The following GREM2 variants were observed in gnomAD, a reference collection of about 807,000 sequenced individuals.
The protein encoded by GREM2 is gremlin-2.
GREM2 carries 11 observed loss-of-function variants against 14.2 expected under a neutral mutation model. The ratio of observed to expected loss-of-function variants is 0.78; its 90% CI spans 0.49 to 1.28. The LOEUF is 1.28. Ranked by LOEUF, GREM2 falls within the 50% of genes most tolerant of loss-of-function variation. GREM2 has a pLI of 0.00. For missense variants in GREM2, 210 were observed against 218.5 expected, an observed-to-expected ratio of 0.96 and a Z score of 0.24; for synonymous variants, 98 against 97.6, an observed-to-expected ratio of 1.00 and a Z score of -0.02.
At chr1:240,545,012 G>A (rs1296269864) in intron 1 of GREM2, among the ~76,000 whole-genome samples, 1 of 152,220 alleles carries the variant, frequency 6.6e-6, no homozygotes, top group East Asian at 1.9e-4. Context: ...CTGAGGCACA[G>A]CTCCTAAAAT....
chr1:240,577,561 A>G (rs1483793602), intron 1 of GREM2, among the ~76,000 whole-genome samples: 1 of 152,330 alleles, frequency 6.6e-6, no homozygotes. Flanking sequence ...TACAATTTAC[A>G]TGCATGTTTT....
Position 240,495,885 on chromosome 1 carries a change from T to C in GREM2, c.-1-2409A>G, listed in dbSNP as rs559126036. ...GTTTATTCTGGAGTAAGCACTGTCA[T>C]AGGCTTTGTGAATTCCAGTATCTTA... On this transcript the variant is annotated intron_variant, in intron 1 of 1. Transcript: ENST00000318160. Among the ~76,000 whole-genome samples, 19 of 152,288 alleles carry C rather than the reference T, an allele frequency of 1.2e-4. 1 individual carries two copies. In the South Asian group the frequency reaches 3.1e-3, roughly 25 times the overall value.
intron 1 of GREM2, among the ~76,000 whole-genome samples, chr1:240,529,832 G>A (rs1206093198): frequency 1.3e-5 from 2 of 152,078 alleles, no homozygotes; most frequent in Non-Finnish European, 2.9e-5. Context: ...ATATAGTCTA[G>A]GACATTGACA....
chr1:240,593,302 C>T (rs1679746689), intron 1 of GREM2, among the ~76,000 whole-genome samples: 1 of 152,150 alleles, frequency 6.6e-6, no homozygotes. Context: ...TGTCACTTGG[C>T]TCCTATCTCT....
intron 1 of GREM2, among the ~76,000 whole-genome samples, chr1:240,507,522 A>G (rs561492472): frequency 2.0e-5 from 3 of 152,170 alleles, no homozygotes; most frequent in Non-Finnish European, 2.9e-5. Context: ...TAGTAGAGAC[A>G]GGGTTTCACC....
At chr1:240,495,798 A>T (rs1204684950) in intron 1 of GREM2, among the ~76,000 whole-genome samples, 1 of 152,202 alleles carries the variant, frequency 6.6e-6, no homozygotes, top group Non-Finnish European at 1.5e-5. Flanking sequence ...AGTCTAAACC[A>T]CAAGAGGCCT....
In GREM2 at chr1:240,492,032, C is replaced by A; in HGVS notation, c.*937G>T. 5.5e-6 allele frequency: 1 copy of A among 180,918 alleles called. No homozygotes were observed. Among genetic ancestry groups the A allele is most frequent in the Non-Finnish European group, 1.2e-5 (1 of 82,026 alleles). 11.2% of individuals were successfully genotyped at this position (180,918 alleles called of 1,614,324 possible). A position where few individuals can be genotyped will look rare whatever the true frequency, so the allele number is the denominator to read the frequency against. ...CAGGCATTTTTTTTTCTGAGTAAGA[C>A]ACCTTCTGGGCCTGCTGTCATCCTT... is the stretch of plus-strand genomic sequence containing the variant. On this transcript the variant is annotated 3_prime_UTR_variant, in exon 2 of 2. Coordinates refer to ENST00000318160, the MANE Select transcript of GREM2 (RefSeq NM_022469.4).
At chr1:240,571,303 C>T (rs1361486612) in intron 1 of GREM2, among the ~76,000 whole-genome samples, 1 of 152,172 alleles carries the variant, frequency 6.6e-6, no homozygotes, top group Admixed American at 6.5e-5. Flanking sequence ...GAACAGGTTT[C>T]ATTATCTGTA....
intron 1 of GREM2, among the ~76,000 whole-genome samples, chr1:240,494,825 C>T (rs9728961): frequency 0.034 from 5,104 of 152,052 alleles, 306 homozygotes; most frequent in African/African-American, 0.12. Flanking sequence ...GGCGTGAACC[C>T]GGGAGGCGGA....
At chr1:240,563,048 A>G (rs576221696) in intron 1 of GREM2, among the ~76,000 whole-genome samples, 13 of 137,820 alleles carry the variant, frequency 9.4e-5, no homozygotes, top group Non-Finnish European at 1.7e-4. Flanking sequence ...GTATGTGTGT[A>G]TGTGTATAGT....
At chr1:240,556,787 AAAAAC>A (rs779219763) in intron 1 of GREM2, among the ~76,000 whole-genome samples, 18 of 152,334 alleles carry the variant, frequency 1.2e-4, no homozygotes, top group Non-Finnish European at 1.8e-4. Flanking sequence ...TCCACAAACT[AAAAAC>A]AAAATGACAA....
At chr1:240,593,495 C>T (rs917817352) in intron 1 of GREM2, among the ~76,000 whole-genome samples, 1 of 152,124 alleles carries the variant, frequency 6.6e-6, no homozygotes, top group Non-Finnish European at 1.5e-5. Context: ...ATTTTAAAAC[C>T]CAGCACAATG....
chr1:240,560,854 G>A (rs1013695757), intron 1 of GREM2, among the ~76,000 whole-genome samples: 20 of 152,132 alleles, frequency 1.3e-4, no homozygotes, highest in African/African-American at 4.8e-4. Flanking sequence ...ATAAATATCT[G>A]GTGATCCACT....
At chr1:240,597,032 T>C (rs983794889) in intron 1 of GREM2, among the ~76,000 whole-genome samples, 6 of 152,178 alleles carry the variant, frequency 3.9e-5, no homozygotes, top group Non-Finnish European at 5.9e-5. Flanking sequence ...CAGTGCCAGA[T>C]AGGAAACCAG....
intron 1 of GREM2, among the ~76,000 whole-genome samples, chr1:240,610,691 TGATC>T (rs1680114864): frequency 6.6e-6 from 1 of 152,196 alleles, no homozygotes; most frequent in South Asian, 2.1e-4. Flanking sequence ...GGTTTGGATA[TGATC>T]GACTAAGACT....
At position 240,507,118 on chromosome 1, in the gene GREM2, G is replaced by A. The variant is rs1418535879; in HGVS notation, c.-1-13642C>T. Reference sequence around the variant, plus strand: ...ATGGCACAAGGAATAAAAGATGTCTGGTAGAACACGGGCCTCAGAAAATTG... The same window carrying A: ...ATGGCACAAGGAATAAAAGATGTCTAGTAGAACACGGGCCTCAGAAAATTG... On this transcript the variant is annotated intron_variant, in intron 1 of 1. Coordinates refer to ENST00000318160, the MANE Select transcript of GREM2 (RefSeq NM_022469.4). Among the ~76,000 whole-genome samples, 12 of 152,328 alleles carry A rather than the reference G, an allele frequency of 7.9e-5. No individual in the cohort carries two copies. In the South Asian group the frequency reaches 2.5e-3, roughly 32 times the overall value.
intron 1 of GREM2, among the ~76,000 whole-genome samples, chr1:240,602,710 G>C (rs1300895992): frequency 6.6e-6 from 1 of 151,864 alleles, no homozygotes; most frequent in Non-Finnish European, 1.5e-5. Context: ...AGGTACTTGG[G>C]AGGCTTAGGC....
intron 1 of GREM2, among the ~76,000 whole-genome samples, chr1:240,597,496 T>G (rs1363044497): frequency 6.6e-6 from 1 of 152,208 alleles, no homozygotes; most frequent in Admixed American, 6.5e-5. Context: ...GCAAAACCAG[T>G]GTTTCAAACG....
intron 1 of GREM2, among the ~76,000 whole-genome samples, chr1:240,516,037 C>T (rs557121552): frequency 6.6e-6 from 1 of 152,064 alleles, no homozygotes; most frequent in Non-Finnish European, 1.5e-5. Flanking sequence ...ACCTCCCATA[C>T]AGTCCCCCGC....
Sources: gnomAD v4.1 joint callset for allele counts (sites outside exome capture counted in the v4.1 genomes callset) on GRCh38, gnomAD v4.1.1 for gene constraint, MANE v1.5 for transcripts, NCBI Gene and HGNC (gene_info 2026-07-23, HGNC 2026-07-21) for gene names.